Variants in IQANK1 observed in about 807,000 individuals in gnomAD.
IQANK1 encodes IQ motif and ankyrin repeat containing 1, also known as IQ motif and ankyrin repeat domain-containing protein 1.
A neutral mutation model predicts 22.6 loss-of-function variants in IQANK1; 30 were observed. The observed-to-expected ratio is 1.33, with a 90% CI of 0.99 to 1.80. The LOEUF (loss-of-function observed/expected upper bound fraction) is 1.80, where lower values mean the gene tolerates loss of function less well. IQANK1 is among the 40% of genes most tolerant of loss of function. The pLI, the probability that IQANK1 is intolerant of heterozygous loss-of-function variation, is 0.00. For synonymous variants in IQANK1, 122 were observed against 99.6 expected, an observed-to-expected ratio of 1.23 and a Z score of -1.34; for missense variants, 275 against 235.2, an observed-to-expected ratio of 1.17 and a Z score of -1.11.
At chr8:143,770,796 G>C (rs2129904376) in intron 3 of IQANK1, among the ~76,000 whole-genome samples, 1 of 152,394 alleles carries the variant, frequency 6.6e-6, no homozygotes, top group South Asian at 2.1e-4. Context: ...CCCATTGCTG[G>C]ACTCTTAGAA....
intron 7 of IQANK1, among the ~76,000 whole-genome samples, chr8:143,780,250 GTAT>G (rs1819772327): frequency 6.6e-6 from 1 of 151,992 alleles, no homozygotes; most frequent in Non-Finnish European, 1.5e-5. Context: ...CCTGATTGTA[GTAT>G]TATTAATATT....
At chr8:143,773,526 A>G (rs1035874721) in intron 7 of IQANK1, among the ~76,000 whole-genome samples, 2 of 151,894 alleles carry the variant, frequency 1.3e-5, no homozygotes, top group East Asian at 1.9e-4. Context: ...CTCAGTCATT[A>G]TGTTCCCCCA....
chr8:143,788,852 CTCTCCAGGCTGAGGAGACTCGG>C (rs1819947426), intron 7 of IQANK1, 41 bp from the exon 8 acceptor site: 1 of 398,886 alleles, frequency 2.5e-6, no homozygotes. Flanking sequence ...GCAACAGTTC[CTCTCCAGGCTGAGGAGACTCGG>C]AACACGCACT....
In IQANK1 at chr8:143,772,192, G is replaced by GC. The variant is rs1554629853; in HGVS notation, c.616dup (p.Leu206ProfsTer57). On this transcript the variant is annotated frameshift_variant, in exon 6 of 14. Coordinates refer to ENST00000527139, the MANE Select transcript of IQANK1 (RefSeq NM_001381874.1). LOFTEE classifies it high-confidence loss of function. Reference sequence around the variant, plus strand: ...TGTCGGAGGCGGCCGCAGGCGGGCAGCCCCTGGCCATCCAGCTGCGGGCCG... The same window carrying GC: ...TGTCGGAGGCGGCCGCAGGCGGGCAGCCCCCTGGCCATCCAGCTGCGGGCCG... 2.5e-6 allele frequency: 1 copy of GC among 393,926 alleles called. No individual in the cohort carries two copies. Among genetic ancestry groups the GC allele is most frequent in the Non-Finnish European group, 4.5e-6 (1 of 223,088 alleles). 24.4% of individuals were successfully genotyped at this position (393,926 alleles called of 1,614,324 possible). A position where few individuals can be genotyped will look rare whatever the true frequency, so the allele number is the denominator to read the frequency against.
intron 6 of IQANK1, 24 bp downstream of exon 6, chr8:143,772,267 G>A: frequency 2.5e-6 from 1 of 397,690 alleles, no homozygotes; most frequent in Non-Finnish European, 4.4e-6. Flanking sequence ...GCCGCGGGCC[G>A]CCGCGCTGAG....
At chr8:143,743,179 C>T (rs1196186152) in intron 3 of IQANK1, 2 of 382,678 alleles carry the variant, frequency 5.2e-6, no homozygotes, top group African/African-American at 2.1e-5. Flanking sequence ...TCTGGCTCTC[C>T]ACTTCTGCCT....
intron 7 of IQANK1, 43 bp from the exon 8 acceptor site, chr8:143,788,872 C>T (rs149571056): frequency 1.4e-3 from 540 of 399,024 alleles, no homozygotes; most frequent in Middle Eastern, 6.3e-3. Flanking sequence ...TGAGGAGACT[C>T]GGAACACGCA....
intron 3 of IQANK1, among the ~76,000 whole-genome samples, chr8:143,763,487 G>A (rs1451949699): frequency 6.6e-6 from 1 of 152,170 alleles, no homozygotes; most frequent in Non-Finnish European, 1.5e-5. Flanking sequence ...GGGGCCTGGT[G>A]GGAGGTGTTT....
chr8:143,768,007 C>A (rs1354836902), intron 3 of IQANK1, among the ~76,000 whole-genome samples: 1 of 149,508 alleles, frequency 6.7e-6, no homozygotes, highest in African/African-American at 2.5e-5. Flanking sequence ...GCCTCAGCCT[C>A]CCCTGTAGCT....
At chr8:143,776,707 GAC>G (rs1819692875) in intron 7 of IQANK1, among the ~76,000 whole-genome samples, 2 of 152,270 alleles carry the variant, frequency 1.3e-5, no homozygotes, top group African/African-American at 4.8e-5. Flanking sequence ...TAGAGACATG[GAC>G]ACGATCCCCT....
chr8:143,749,309 T>G (rs1326910775), intron 3 of IQANK1, among the ~76,000 whole-genome samples: 11 of 107,424 alleles, frequency 1.0e-4, no homozygotes, highest in African/African-American at 4.3e-4. Context: ...TATAAAAATA[T>G]AAAAATATAT....
At chr8:143,764,828 A>G (rs1273963654) in intron 3 of IQANK1, among the ~76,000 whole-genome samples, 1 of 152,180 alleles carries the variant, frequency 6.6e-6, no homozygotes, top group East Asian at 1.9e-4. Flanking sequence ...GTGAACCTCA[A>G]GGAATTGCTG....
intron 3 of IQANK1, among the ~76,000 whole-genome samples, chr8:143,747,483 T>C (rs782261720): frequency 2.2e-4 from 34 of 152,206 alleles, no homozygotes; most frequent in Non-Finnish European, 3.4e-4. Context: ...ATCTTATGTA[T>C]TAGTTTCAGC....
chr8:143,774,252 C>G lies in IQANK1; in HGVS notation c.789+1770C>G, dbSNP rs1819642033. Reference sequence around the variant, plus strand: ...AATGTTTGCTTTGTAAAAGACCTGTCAAGAAGAAAAGAAGCCACAGGCAGG... The same window carrying G: ...AATGTTTGCTTTGTAAAAGACCTGTGAAGAAGAAAAGAAGCCACAGGCAGG... On this transcript the variant is annotated intron_variant, in intron 7 of 13. Coordinates refer to ENST00000527139, the MANE Select transcript of IQANK1 (RefSeq NM_001381874.1). The surrounding 1 kb of genome is among the most constrained non-coding windows in gnomAD (Gnocchi z 4.2). Among the ~76,000 whole-genome samples the G allele has an allele frequency of 6.6e-6, 1 of 151,280 alleles. No homozygotes were observed. The highest frequency in any genetic ancestry group is 1.5e-5 in the Non-Finnish European group (1 of 67,904).
chr8:143,748,718 CA>C (rs1439270869), intron 3 of IQANK1, among the ~76,000 whole-genome samples: 1 of 97,592 alleles, frequency 1.0e-5, no homozygotes, highest in Non-Finnish European at 1.8e-5. Flanking sequence ...AAATATATAT[CA>C]TATATATCAT....
At chr8:143,741,168 C>T (rs977204922) in intron 3 of IQANK1, among the ~76,000 whole-genome samples, 33 of 152,296 alleles carry the variant, frequency 2.2e-4, no homozygotes, top group Middle Eastern at 3.4e-3. Flanking sequence ...AAGGCAGGGA[C>T]GCCCCCATTT....
rs983868678 is a variant in IQANK1 at position 143,771,590 on chromosome 8, T to C, written c.278T>C (p.Leu93Pro). Reference protein sequence around the residue: ...ARRREERREYLEQMETPQKEA... With the variant: ...ARRREERREYPEQMETPQKEA... ...CGCCGGGAGGAGCGCCGGGAGTACC[T>C]GGAGCAGATGGAGACGCCGCAGAAG... The change falls in exon 4 of 14, where the codon CTG (leucine) becomes CCG (proline). Residue 93 changes from leucine (L) to proline (P), a missense_variant. Physicochemically the swap from Leu to Pro is moderately conservative, Grantham distance 98. Coordinates refer to ENST00000527139, the MANE Select transcript of IQANK1 (RefSeq NM_001381874.1). This position sits in a 1 kb window ranked among gnomAD's most constrained non-coding sequence, Gnocchi z 6.0. 2.0e-5 allele frequency: 8 copies of C among 397,744 alleles called. No individual in the cohort carries two copies. Among genetic ancestry groups the C allele is most frequent in the Admixed American group, 1.3e-4 (3 of 22,646 alleles). 24.6% of individuals were successfully genotyped at this position (397,744 alleles called of 1,614,324 possible). A position where few individuals can be genotyped will look rare whatever the true frequency, so the allele number is the denominator to read the frequency against.
chr8:143,779,815 A>G (rs4875052), intron 7 of IQANK1, among the ~76,000 whole-genome samples: 152,153 of 152,324 alleles, frequency 1, 75,991 homozygotes, highest in Non-Finnish European at 1. Context: ...TCCTGGTGCA[A>G]AGTCAGTTCT....
chr8:143,787,141 C>T (rs73373162), intron 7 of IQANK1, among the ~76,000 whole-genome samples: 7,659 of 151,128 alleles, frequency 0.051, 680 homozygotes, highest in African/African-American at 0.17. Flanking sequence ...CACTGGCAGA[C>T]GTGGGTTCAG....
Sources: allele counts gnomAD v4.1 joint callset (sites outside exome capture counted in the v4.1 genomes callset), GRCh38; gene constraint gnomAD v4.1.1; non-coding constraint Gnocchi (gnomAD v3.1); transcripts MANE v1.5; gene names NCBI Gene and HGNC (gene_info 2026-07-23, HGNC 2026-07-21).